The following TASL variants were observed in gnomAD, a reference collection of about 807,000 sequenced individuals.
TASL encodes TLR adaptor interacting with endolysosomal SLC15A4, also known as TLR adapter interacting with SLC15A4 on the lysosome.
A neutral mutation model predicts 12.9 loss-of-function variants in TASL; 6 were observed. The ratio of observed to expected loss-of-function variants is 0.46; its 90% CI spans 0.25 to 0.92. The LOEUF is 0.92. Ranked by LOEUF, TASL falls within the 40% of genes least tolerant of loss-of-function variation. The probability of loss-of-function intolerance (pLI) is 0.17; values close to 1 mark genes in which losing one functional copy is unlikely to be tolerated. For missense variants in TASL, 165 were observed against 212.8 expected (o/e 0.78, Z 1.40); for synonymous variants, 85 against 79.3 (o/e 1.07, Z -0.38).
chrX:30,559,161 A>G lies in TASL; in HGVS notation c.*289T>C. The G allele has an allele frequency of 4.6e-6, 1 of 216,928 alleles. No homozygotes were observed. The highest frequency in any genetic ancestry group is 1.5e-3 in the Middle Eastern group (1 of 646). 17.9% of individuals were successfully genotyped at this position (216,928 alleles called of 1,213,427 possible). A position where few individuals can be genotyped will look rare whatever the true frequency, so the allele number is the denominator to read the frequency against. Reference sequence around the variant, plus strand: ...TTGACTGTCTTCTTTTTTAATTCCTATGTTTCTTCAAATGAATTAACCGTT... The same window carrying G: ...TTGACTGTCTTCTTTTTTAATTCCTGTGTTTCTTCAAATGAATTAACCGTT... On this transcript the variant is annotated 3_prime_UTR_variant, in exon 3 of 3. Transcript: ENST00000378962.
chrX:30,561,898 A>T lies in TASL; in HGVS notation c.-1-1542T>A, dbSNP rs138702449. On this transcript the variant is annotated intron_variant, in intron 2 of 2. Transcript: ENST00000378962. Reference sequence around the variant, plus strand: ...AAAGTTGTCCTCTCCTTTAAAATCTATGTGAAGTTCTGCCCTCAAACCTAA... The same window carrying T: ...AAAGTTGTCCTCTCCTTTAAAATCTTTGTGAAGTTCTGCCCTCAAACCTAA... Among the ~76,000 whole-genome samples the T allele has an allele frequency of 5.7e-3, 625 of 109,889 alleles. 2 individuals are homozygous for T. Among genetic ancestry groups the T allele is most frequent in the Middle Eastern group, 0.014 (3 of 215 alleles).
At chrX:30,572,104 C>A (rs751108800) in intron 2 of TASL, among the ~76,000 whole-genome samples, 5 of 111,546 alleles carry the variant, frequency 4.5e-5, no homozygotes, top group Admixed American at 1.9e-4. Flanking sequence ...AGAATATTTG[C>A]AGAGGAGATG....
chrX:30,559,859 TC>T lies in TASL; in HGVS notation c.496del (p.Glu166ArgfsTer25). 1 of 1,211,506 alleles carries T rather than the reference TC, an allele frequency of 8.3e-7. No individual in the cohort carries two copies. Among genetic ancestry groups the T allele is most frequent in the Non-Finnish European group, 1.1e-6 (1 of 895,397 alleles). On this transcript the variant is annotated frameshift_variant, in exon 3 of 3. Coordinates refer to ENST00000378962, the MANE Select transcript of TASL (RefSeq NM_025159.3). LOFTEE classifies it high-confidence loss of function. ...ACTGGGCTGAGTAGAAATGGAATCC[TC>T]CATGGGTAAAGGAATCTCAGATGAC... ...LKSSEIPLPM[E>X]DSISTQPSDF...
chrX:30,571,280 A>AAGAAAGAAAG (rs1930609300), intron 2 of TASL, among the ~76,000 whole-genome samples: 3 of 79,954 alleles, frequency 3.8e-5, no homozygotes, highest in Non-Finnish European at 7.5e-5. Flanking sequence ...GAAAGAAAGA[A>AAGAAAGAAAG]AGAAAGAAAG....
chrX:30,568,522 G>A (rs1397673580), intron 2 of TASL, among the ~76,000 whole-genome samples: 1 of 111,015 alleles, frequency 9.0e-6, no homozygotes, highest in African/African-American at 3.3e-5. Context: ...TAGGTGGGGC[G>A]CAAGCATTGT....
At chrX:30,564,708 C>T (rs1401329179) in intron 2 of TASL, among the ~76,000 whole-genome samples, 1 of 111,558 alleles carries the variant, frequency 9.0e-6, no homozygotes, top group Non-Finnish European at 1.9e-5. Context: ...GCTGATTTTC[C>T]AAGCACCTTT....
At chrX:30,574,556 G>C (rs1930680783) in intron 2 of TASL, among the ~76,000 whole-genome samples, 1 of 110,948 alleles carries the variant, frequency 9.0e-6, no homozygotes, top group African/African-American at 3.3e-5. Flanking sequence ...TGAGATGGAC[G>C]CAAAAACTAT....
intron 2 of TASL, among the ~76,000 whole-genome samples, chrX:30,568,011 C>T (rs1424856730): frequency 9.0e-6 from 1 of 111,553 alleles, no homozygotes; most frequent in Non-Finnish European, 1.9e-5. Context: ...CCAAGGAGGG[C>T]GGATCACCTG....
chrX:30,559,243 C>T lies in TASL; in HGVS notation c.*207G>A. On this transcript the variant is annotated 3_prime_UTR_variant, in exon 3 of 3. Transcript: ENST00000378962. ...TGCTGTACACACCTCTCTTTGAAAT[C>T]ATTCCTTATGGCTCCTCTTACCATA... 2.8e-6 allele frequency: 1 copy of T among 354,319 alleles called. No individual in the cohort carries two copies. 29.2% of individuals were successfully genotyped at this position (354,319 alleles called of 1,213,427 possible). A position where few individuals can be genotyped will look rare whatever the true frequency, so the allele number is the denominator to read the frequency against.
chrX:30,561,355 AC>A (rs1444969794), intron 2 of TASL, among the ~76,000 whole-genome samples: 1 of 110,132 alleles, frequency 9.1e-6, no homozygotes, highest in Non-Finnish European at 1.9e-5. Flanking sequence ...TCCCCTCCCT[AC>A]CCCCAGCAAT....
At chrX:30,571,534 C>T (rs1484506508) in intron 2 of TASL, among the ~76,000 whole-genome samples, 2 of 107,496 alleles carry the variant, frequency 1.9e-5, no homozygotes, top group African/African-American at 3.4e-5. Flanking sequence ...GCAGGAGAAT[C>T]GCTTGAATGG....
At chrX:30,577,191 G>A (rs1247108586) in intron 1 of TASL, among the ~76,000 whole-genome samples, 6 of 112,140 alleles carry the variant, frequency 5.4e-5, no homozygotes, top group African/African-American at 1.3e-4. Context: ...GATTGTTTTC[G>A]TCTCTAAAAC....
At chrX:30,561,689 T>C (rs966972374) in intron 2 of TASL, among the ~76,000 whole-genome samples, 3 of 108,951 alleles carry the variant, frequency 2.8e-5, no homozygotes, top group Non-Finnish European at 3.8e-5. Flanking sequence ...AAGGGTAAGA[T>C]AGTAATTTTT....
Position 30,559,492 on chromosome X carries a change from A to G in TASL, c.864T>C (p.Thr288=), listed in dbSNP as rs1601836192. The G allele has an allele frequency of 1.7e-6, 2 of 1,203,929 alleles. No individual in the cohort carries two copies. Among genetic ancestry groups the G allele is most frequent in the East Asian group, 5.9e-5 (2 of 33,845 alleles). The part of the protein sequence containing the change: ...LMSTEITEIS[T]PSLHISQYSN... ...TATACTGAGAAATATGGAGACTAGG[A>G]GTGCTAATTTCAGTAATTTCAGTTG... Residue 288 remains threonine, a synonymous_variant, in exon 3 of 3, where the codon ACT becomes ACC. Coordinates refer to ENST00000378962, the MANE Select transcript of TASL (RefSeq NM_025159.3).
In TASL at chrX:30,558,911, GATTCTCCT is replaced by G. The variant is rs1174231722; in HGVS notation, c.*531_*538del. The G allele has an allele frequency of 9.1e-6, 1 of 110,005 alleles. No individual in the cohort carries two copies. The highest frequency in any genetic ancestry group is 1.9e-5 in the Non-Finnish European group (1 of 52,789). The allele number at this position is 110,005 out of a possible 1,213,427, so 9.1% of individuals were successfully genotyped here. On this transcript the variant is annotated 3_prime_UTR_variant, in exon 3 of 3. Transcript: ENST00000378962. ...CAACCTCTGCCTCTCAGGTTCAAGA[GATTCTCCT>G]GCCTCAGCCTCCCTAGTAGCTGGGA...
chrX:30,572,232 TTTAC>T, intron 2 of TASL, among the ~76,000 whole-genome samples: 1 of 112,032 alleles, frequency 8.9e-6, no homozygotes, highest in South Asian at 3.6e-4. Context: ...TGTTAAATCA[TTTAC>T]TTGCTTTTCA....
chrX:30,566,456 G>A (rs143810510), intron 2 of TASL, among the ~76,000 whole-genome samples: 2,104 of 110,907 alleles, frequency 0.019, 49 homozygotes, highest in African/African-American at 0.065. Context: ...GCAGTGAGCC[G>A]AGATTGAGCC....
intron 2 of TASL, among the ~76,000 whole-genome samples, chrX:30,571,639 G>A (rs777302021): frequency 1.6e-4 from 17 of 108,822 alleles, no homozygotes; most frequent in Non-Finnish European, 2.9e-4. Context: ...AAAAAAAGGG[G>A]GGGGGGGCAT....
Position 30,559,735 on chromosome X carries a change from A to G in TASL, c.621T>C (p.Asn207=). The G allele has an allele frequency of 8.3e-7, 1 of 1,211,480 alleles. No homozygotes were observed. Among genetic ancestry groups the G allele is most frequent in the Non-Finnish European group, 1.1e-6 (1 of 895,113 alleles). The part of the protein sequence containing the change: ...SSLQMQNPIS[N]AVLNEYLEQK... ...GCTCCAGGTACTCATTCAGAACTGC[A>G]TTAGAAATAGGATTCTGCATTTGCA... is the stretch of plus-strand genomic sequence containing the variant. The change falls in exon 3 of 3, where the codon AAT becomes AAC. Residue 207 remains asparagine, a synonymous_variant. Transcript: ENST00000378962.
Sources: allele counts gnomAD v4.1 joint callset (sites outside exome capture counted in the v4.1 genomes callset), GRCh38; gene constraint gnomAD v4.1.1; transcripts MANE v1.5; gene names NCBI Gene and HGNC (gene_info 2026-07-23, HGNC 2026-07-21).